Variants in ZNF317 observed in about 807,000 individuals in gnomAD.
ZNF317 encodes the protein KRAB-containing zinc finger protein 317.
A neutral mutation model predicts 23.4 loss-of-function variants in ZNF317; 17 were observed. That is an observed-to-expected ratio of 0.73 (90% CI 0.50 to 1.09). The LOEUF (loss-of-function observed/expected upper bound fraction) is 1.09, where lower values mean the gene tolerates loss of function less well. ZNF317 is among the 50% of genes least tolerant of loss of function. The pLI, the probability that ZNF317 is intolerant of heterozygous loss-of-function variation, is 0.00. For missense variants in ZNF317, 679 were observed against 796.7 expected, an observed-to-expected ratio of 0.85 and a Z score of 1.78; for synonymous variants, 317 against 314.9, an observed-to-expected ratio of 1.01 and a Z score of -0.07.
chr19:9,154,632 T>C (rs979483854), intron 1 of ZNF317, among the ~76,000 whole-genome samples: 4 of 152,206 alleles, frequency 2.6e-5, no homozygotes, highest in African/African-American at 7.2e-5. Context: ...GATAGATGTT[T>C]AGATTGTTTA....
chr19:9,148,528 C>A (rs1447013940), intron 1 of ZNF317, among the ~76,000 whole-genome samples: 1 of 151,038 alleles, frequency 6.6e-6, no homozygotes, highest in African/African-American at 2.5e-5. Flanking sequence ...ATCCCAGACC[C>A]CCTACATTCC....
chr19:9,161,316 C>G lies in ZNF317; in HGVS notation c.1671C>G (p.Pro557=). 1.2e-6 allele frequency: 2 copies of G among 1,613,822 alleles called. No homozygotes were observed. The highest frequency in any genetic ancestry group is 1.7e-6 in the Non-Finnish European group (2 of 1,179,836). Residue 557 remains proline, a synonymous_variant, in exon 7 of 7, where the codon CCC becomes CCG. Transcript: ENST00000247956. The surrounding 1 kb of genome is among the most constrained non-coding windows in gnomAD (Gnocchi z 4.0). The part of the protein sequence containing the change: ...VHRRIHTGEK[P]YECLVCGKAF... ...GGCGGATCCACACCGGGGAGAAGCC[C>G]TACGAATGCCTTGTCTGCGGGAAAG... is the stretch of plus-strand genomic sequence containing the variant.
At chr19:9,148,839 C>G (rs1224780465) in intron 1 of ZNF317, among the ~76,000 whole-genome samples, 1 of 152,282 alleles carries the variant, frequency 6.6e-6, no homozygotes, top group East Asian at 1.9e-4. Context: ...CTACATTTCC[C>G]AGGATCCTTG....
intron 2 of ZNF317, among the ~76,000 whole-genome samples, chr19:9,156,386 T>G (rs568768373): frequency 5.3e-5 from 8 of 152,232 alleles, no homozygotes; most frequent in African/African-American, 1.9e-4. Context: ...CTATGTCACT[T>G]CTTATGAGTA....
At chr19:9,153,143 G>GTTTTTT (rs557129618) in intron 1 of ZNF317, among the ~76,000 whole-genome samples, 36 of 139,292 alleles carry the variant, frequency 2.6e-4, no homozygotes, top group African/African-American at 9.2e-4. Flanking sequence ...TGTCAAGGTA[G>GTTTTTT]TTGTTTTTGT....
At chr19:9,143,771 T>C in intron 1 of ZNF317, among the ~76,000 whole-genome samples, 1 of 151,648 alleles carries the variant, frequency 6.6e-6, no homozygotes, top group Non-Finnish European at 1.5e-5. Context: ...TTTTGTGTTT[T>C]CCTTTTTTTT....
chr19:9,159,669 C>T (rs2145960473), intron 6 of ZNF317, among the ~76,000 whole-genome samples: 1 of 152,206 alleles, frequency 6.6e-6, no homozygotes, highest in East Asian at 1.9e-4. Context: ...GTCCCACCCT[C>T]CCGAGTAGCT....
At chr19:9,152,253 T>C (rs1472359801) in intron 1 of ZNF317, among the ~76,000 whole-genome samples, 6 of 152,204 alleles carry the variant, frequency 3.9e-5, no homozygotes, top group Non-Finnish European at 8.8e-5. Context: ...CCTCAGTCTC[T>C]TGTTATAGGT....
chr19:9,159,545 GT>G (rs374750547), intron 6 of ZNF317, among the ~76,000 whole-genome samples: 3,339 of 146,816 alleles, frequency 0.023, 131 homozygotes, highest in African/African-American at 0.08. Flanking sequence ...TGTTGTTTTT[GT>G]TTTTTGTTTT....
At chr19:9,157,730 T>C in intron 4 of ZNF317, 1 of 981,272 alleles carries the variant, frequency 1.0e-6, no homozygotes, top group Non-Finnish European at 1.3e-6. Context: ...GTTCTCACTA[T>C]GTTGCCCAGA....
chr19:9,146,065 CT>C (rs567814572), intron 1 of ZNF317, among the ~76,000 whole-genome samples: 2 of 149,436 alleles, frequency 1.3e-5, no homozygotes. Context: ...TTCCATTTTG[CT>C]TTTTTTTTAG....
chr19:9,162,373 T>C lies in ZNF317; in HGVS notation c.*940T>C, dbSNP rs1210214575. On this transcript the variant is annotated 3_prime_UTR_variant, in exon 7 of 7. Coordinates refer to ENST00000247956, the MANE Select transcript of ZNF317 (RefSeq NM_020933.5). ...GCAATTCCTCCATTTTTATGAATCT[T>C]GTGAGCACTTACGCTAGGAGAAATT... The C allele has an allele frequency of 2.6e-5, 4 of 152,114 alleles. No homozygotes were observed. Among genetic ancestry groups the C allele is most frequent in the Admixed American group, 2.6e-4 (4 of 15,276 alleles). The allele number at this position is 152,114 out of a possible 1,614,324, so 9.4% of individuals were successfully genotyped here. A position where few individuals can be genotyped will look rare whatever the true frequency, so the allele number is the denominator to read the frequency against.
At chr19:9,144,373 A>T (rs1191235144) in intron 1 of ZNF317, among the ~76,000 whole-genome samples, 1 of 152,216 alleles carries the variant, frequency 6.6e-6, no homozygotes, top group African/African-American at 2.4e-5. Context: ...TTCTGTGAAT[A>T]TTAGTATTTT....
chr19:9,141,526 T>C (rs1437465107), intron 1 of ZNF317, among the ~76,000 whole-genome samples: 1 of 152,226 alleles, frequency 6.6e-6, no homozygotes, highest in Non-Finnish European at 1.5e-5. Flanking sequence ...ACAATCTTTT[T>C]CTGTATTGAT....
chr19:9,157,681 C>CTTT (rs566513253), intron 4 of ZNF317: 30 of 346,374 alleles, frequency 8.7e-5, no homozygotes, highest in South Asian at 2.8e-4. Flanking sequence ...TTTCCTATTT[C>CTTT]TTTTTTTTTT....
rs2050840550 is a variant in ZNF317, at chr19:9,160,648, G to T, written c.1003G>T (p.Glu335Ter). The T allele has an allele frequency of 6.2e-7, 1 of 1,614,166 alleles. No individual in the cohort carries two copies. Among genetic ancestry groups the T allele is most frequent in the Non-Finnish European group, 8.5e-7 (1 of 1,180,042 alleles). The change falls in exon 7 of 7, where the codon GAG (glutamate) becomes TAG (stop). Residue 335 changes from glutamate (E) to a stop codon, truncating the protein, a stop_gained. Coordinates refer to ENST00000247956, the MANE Select transcript of ZNF317 (RefSeq NM_020933.5). LOFTEE classifies it low-confidence loss of function (END_TRUNC). The surrounding 1 kb of genome is among the most constrained non-coding windows in gnomAD (Gnocchi z 6.8). ...KRTHTGERPY[E>*]CHDCGKAFQH... ...AACGCACACCGGAGAGAGGCCCTACGAGTGTCACGACTGTGGGAAAGCTTT... is the reference window on the plus strand; with the variant it reads ...AACGCACACCGGAGAGAGGCCCTACTAGTGTCACGACTGTGGGAAAGCTTT...
At position 9,160,137 on chromosome 19, in the gene ZNF317, G is replaced by A; in HGVS notation, c.492G>A (p.Lys164=). 1 of 1,614,158 alleles carries A rather than the reference G, an allele frequency of 6.2e-7. No homozygotes were observed. The highest frequency in any genetic ancestry group is 8.5e-7 in the Non-Finnish European group (1 of 1,180,006). The change falls in exon 7 of 7, where the codon AAG becomes AAA. Residue 164 remains lysine (K), a synonymous_variant. Transcript: ENST00000247956. This position sits in a 1 kb window ranked among gnomAD's most constrained non-coding sequence, Gnocchi z 6.8. Reference sequence around the variant, plus strand: ...AGGAAAGAGCCGGTCTTGGAGAGAAGTCCACTGAATACGCTCACTTGTTCG... The same window carrying A: ...AGGAAAGAGCCGGTCTTGGAGAGAAATCCACTGAATACGCTCACTTGTTCG... ...VTMERAGLGE[K]STEYAHLFEV...
Position 9,157,697 on chromosome 19 carries a change from T to A in ZNF317, c.290-283T>A, listed in dbSNP as rs998382271. The A allele has an allele frequency of 4.1e-4, 191 of 468,588 alleles. 3 individuals carry two copies. The highest frequency in any genetic ancestry group is 3.8e-3 in the African/African-American group (129 of 33,522). The allele number at this position is 468,588 out of a possible 1,614,324, so 29.0% of individuals were successfully genotyped here. On this transcript the variant is annotated intron_variant, in intron 4 of 6. Transcript: ENST00000247956. Reference sequence around the variant, plus strand: ...TTCCTATTTCTTTTTTTTTTTTTTTTTTTTTATTTTTGGTGATGAAGGGTT... The same window carrying A: ...TTCCTATTTCTTTTTTTTTTTTTTTATTTTTATTTTTGGTGATGAAGGGTT...
chr19:9,147,156 G>A (rs974097183), intron 1 of ZNF317, among the ~76,000 whole-genome samples: 1 of 151,960 alleles, frequency 6.6e-6, no homozygotes, highest in Non-Finnish European at 1.5e-5. Flanking sequence ...GCCCTGGTGA[G>A]GAGAAAAACA....
Sources: gnomAD v4.1 joint callset for allele counts (sites outside exome capture counted in the v4.1 genomes callset) on GRCh38, gnomAD v4.1.1 for gene constraint, Gnocchi (gnomAD v3.1) non-coding constraint, MANE v1.5 for transcripts, NCBI Gene and HGNC (gene_info 2026-07-23, HGNC 2026-07-21) for gene names.